The following CD300LG variants were observed in gnomAD, a reference collection of about 807,000 sequenced individuals.
CD300LG encodes CD300 molecule like family member g, also known as CMRF35-like molecule 9.
A neutral mutation model predicts 31.5 loss-of-function variants in CD300LG; 29 were observed. The ratio of observed to expected loss-of-function variants is 0.92; its 90% CI spans 0.68 to 1.25. CD300LG has a LOEUF of 1.25. Ranked by LOEUF, CD300LG falls within the 50% of genes most tolerant of loss-of-function variation. The pLI, the probability that CD300LG is intolerant of heterozygous loss-of-function variation, is 0.00. For missense variants in CD300LG, 396 were observed against 417.6 expected (o/e 0.95, Z 0.45); for synonymous variants, 175 against 177.2 (o/e 0.99, Z 0.10).
intron 2 of CD300LG, 147 bp from the exon 3 acceptor site, chr17:43,852,765 C>G (rs770622506): frequency 3.7e-6 from 2 of 544,586 alleles, no homozygotes; most frequent in Non-Finnish European, 6.3e-6. Context: ...TGCTGGAACC[C>G]GCCACGTGGC....
chr17:43,848,390 G>GC (rs1188636450), intron 1 of CD300LG, among the ~76,000 whole-genome samples, 168 bp from the exon 2 acceptor site: 2 of 152,190 alleles, frequency 1.3e-5, no homozygotes, highest in African/African-American at 2.4e-5. Flanking sequence ...CAACAGCCCT[G>GC]CCCCAAGTTC....
chr17:43,858,183 G>A, intron 6 of CD300LG: 2 of 1,173,906 alleles, frequency 1.7e-6, no homozygotes, highest in Non-Finnish European at 2.1e-6. Context: ...GAGGGTCTGG[G>A]GTGGAAATGG....
At chr17:43,848,321 G>A (rs2046244560) in intron 1 of CD300LG, among the ~76,000 whole-genome samples, 1 of 152,170 alleles carries the variant, frequency 6.6e-6, no homozygotes, top group Admixed American at 6.5e-5. Flanking sequence ...GATTCTATCT[G>A]AATCTAGAAC....
chr17:43,857,514 C>G (rs746697564), intron 6 of CD300LG: 1 of 1,500,464 alleles, frequency 6.7e-7, no homozygotes, highest in South Asian at 1.2e-5. Flanking sequence ...AGATCTCTAG[C>G]CTGACTTTTC....
At position 43,854,011 on chromosome 17, in the gene CD300LG, G is replaced by A. The variant is rs776444960; in HGVS notation, c.686G>A (p.Ser229Asn). 4.3e-6 allele frequency: 7 copies of A among 1,614,224 alleles called. No homozygotes were observed. Among genetic ancestry groups the A allele is most frequent in the Non-Finnish European group, 5.9e-6 (7 of 1,180,026 alleles). Residue 229 changes from serine to asparagine, a missense_variant, in exon 4 of 7, where the codon AGT becomes AAT. Coordinates refer to ENST00000317310, the MANE Select transcript of CD300LG (RefSeq NM_145273.4). ...GACTCCACCTCAGCAGAGGACACCA[G>A]TCCAGCTCTCAGCAGTGGCAGCTCT... ...QLDSTSAEDT[S>N]PALSSGSSKP...
chr17:43,861,947 C>A lies in CD300LG; in HGVS notation c.*36C>A, dbSNP rs1477750214. ...CCTCCTGGCCAGGCCAGCAGTGAAG[C>A]AGTATGGCTGGCTGGATCAGCACCG... On this transcript the variant is annotated 3_prime_UTR_variant, in exon 7 of 7. Coordinates refer to ENST00000317310, the MANE Select transcript of CD300LG (RefSeq NM_145273.4). 1 of 1,472,534 alleles carries A rather than the reference C, an allele frequency of 6.8e-7. No homozygotes were observed. The highest frequency in any genetic ancestry group is 9.3e-7 in the Non-Finnish European group (1 of 1,079,720). 91.2% of individuals were successfully genotyped at this position (1,472,534 alleles called of 1,614,324 possible).
At chr17:43,852,346 C>T (rs2046384351) in intron 2 of CD300LG, among the ~76,000 whole-genome samples, 1 of 152,084 alleles carries the variant, frequency 6.6e-6, no homozygotes, top group Non-Finnish European at 1.5e-5. Flanking sequence ...TCCCAAGTAG[C>T]TGGGATTACA....
At chr17:43,852,291 C>A (rs1010579999) in intron 2 of CD300LG, among the ~76,000 whole-genome samples, 1 of 151,850 alleles carries the variant, frequency 6.6e-6, no homozygotes, top group Non-Finnish European at 1.5e-5. Context: ...CTGCAATCAC[C>A]GCAACCTCTC....
Position 43,848,904 on chromosome 17 carries a change from T to A in CD300LG, c.379+11T>A. 1.9e-6 allele frequency: 3 copies of A among 1,601,834 alleles called. 1 individual carries two copies. In the South Asian group the frequency reaches 3.3e-5, roughly 18 times the overall value. Reference sequence around the variant, plus strand: ...TGTTCGTCTTTCCAGGTAACAGATATCTCTCCTTCCCCAGGCTGGGGACAG... The same window carrying A: ...TGTTCGTCTTTCCAGGTAACAGATAACTCTCCTTCCCCAGGCTGGGGACAG... On this transcript the variant is annotated intron_variant, in intron 2 of 6. Transcript: ENST00000317310.
chr17:43,858,963 C>G (rs1243095782), intron 6 of CD300LG, among the ~76,000 whole-genome samples: 1 of 152,152 alleles, frequency 6.6e-6, no homozygotes, highest in East Asian at 1.9e-4. Context: ...TATATGCCAA[C>G]GAATCCTCAT....
chr17:43,854,009 C>T lies in CD300LG; in HGVS notation c.684C>T (p.Thr228=), dbSNP rs2046439657. Residue 228 remains threonine, a synonymous_variant, in exon 4 of 7, where the codon ACC becomes ACT. Transcript: ENST00000317310. Reference sequence around the variant, plus strand: ...TGGACTCCACCTCAGCAGAGGACACCAGTCCAGCTCTCAGCAGTGGCAGCT... The same window carrying T: ...TGGACTCCACCTCAGCAGAGGACACTAGTCCAGCTCTCAGCAGTGGCAGCT... ...MQLDSTSAED[T]SPALSSGSSK... 2 of 1,614,210 alleles carry T rather than the reference C, an allele frequency of 1.2e-6. No homozygotes were observed. The highest frequency in any genetic ancestry group is 1.7e-6 in the Non-Finnish European group (2 of 1,180,012).
At chr17:43,853,474 G>A (rs1423644188) in intron 3 of CD300LG, among the ~76,000 whole-genome samples, 1 of 152,180 alleles carries the variant, frequency 6.6e-6, no homozygotes, top group East Asian at 1.9e-4. Context: ...GGACTGTAGG[G>A]GGAGGGCAGG....
intron 1 of CD300LG, among the ~76,000 whole-genome samples, chr17:43,847,971 G>A (rs56942842): frequency 0.034 from 5,193 of 151,910 alleles, 305 homozygotes; most frequent in African/African-American, 0.12. Context: ...AACCAGGCAC[G>A]GTGGCTCACG....
At chr17:43,851,770 T>C (rs1163662636) in intron 2 of CD300LG, among the ~76,000 whole-genome samples, 1 of 151,504 alleles carries the variant, frequency 6.6e-6, no homozygotes, top group East Asian at 1.9e-4. Flanking sequence ...TTAGCCAGGA[T>C]GGTCTCGATC....
chr17:43,853,012 G>T lies in CD300LG; in HGVS notation c.480G>T (p.Leu160Phe). The change falls in exon 3 of 7, where the codon TTG (leucine) becomes TTT (phenylalanine). Residue 160 changes from leucine (L) to phenylalanine (F), a missense_variant and splice_region_variant. Transcript: ENST00000317310. ...CTCAGCAAACCCAGCCCCCAGGATT[G>T]AGTGAGTGAATGGCAATTCCGCCCC... ...AKAQQTQPPG[L>F]TSPGLYPAAT... 2 of 1,608,814 alleles carry T rather than the reference G, an allele frequency of 1.2e-6. No individual in the cohort carries two copies. The highest frequency in any genetic ancestry group is 1.7e-6 in the Non-Finnish European group (2 of 1,177,412).
intron 1 of CD300LG, among the ~76,000 whole-genome samples, chr17:43,847,505 A>G (rs1305544892): frequency 6.6e-6 from 1 of 152,142 alleles, no homozygotes. Context: ...TGTGGCTGTG[A>G]GAGTTGCTTT....
chr17:43,854,139 G>A (rs2046443896), intron 4 of CD300LG, 95 bp downstream of exon 4: 11 of 911,956 alleles, frequency 1.2e-5, no homozygotes, highest in African/African-American at 3.3e-5. Flanking sequence ...TCCTCTAAGC[G>A]GACGCATCCT....
Position 43,861,793 on chromosome 17 carries a change from T to C in CD300LG, c.886-5T>C, listed in dbSNP as rs754819531. On this transcript the variant is annotated splice_polypyrimidine_tract_variant and splice_region_variant and intron_variant, in intron 6 of 6. Transcript: ENST00000317310. ...GCTCTCCAAACCCCACTGTTGTCTT[T>C]ACAGACTGCGGAGGAAAAGGAAGCC... 6.3e-7 allele frequency: 1 copy of C among 1,592,020 alleles called. No homozygotes were observed. Among genetic ancestry groups the C allele is most frequent in the Non-Finnish European group, 8.5e-7 (1 of 1,169,778 alleles).
chr17:43,854,572 A>G (rs1308569820), intron 4 of CD300LG, among the ~76,000 whole-genome samples: 1 of 152,150 alleles, frequency 6.6e-6, no homozygotes, highest in Non-Finnish European at 1.5e-5. Context: ...CTGATGGGAC[A>G]TCGTGGTCCC....
Sources: allele counts gnomAD v4.1 joint callset (sites outside exome capture counted in the v4.1 genomes callset), GRCh38; gene constraint gnomAD v4.1.1; transcripts MANE v1.5; gene names NCBI Gene and HGNC (gene_info 2026-07-23, HGNC 2026-07-21).